Variants in ZNF565 observed in about 807,000 individuals in gnomAD.
ZNF565 encodes the protein zinc finger protein 565.
In ZNF565, 27 loss-of-function variants were observed where a neutral mutation model predicts 39.4. The observed-to-expected ratio is 0.69, with a 90% CI of 0.51 to 0.95. The LOEUF (loss-of-function observed/expected upper bound fraction) is 0.95, where lower values mean the gene tolerates loss of function less well. Ranked by LOEUF, ZNF565 falls within the 40% of genes least tolerant of loss-of-function variation. The pLI is 0.00. For missense variants in ZNF565, 524 were observed against 621.1 expected (o/e 0.84, Z 1.66); for synonymous variants, 185 against 216.6 (o/e 0.85, Z 1.28).
chr19:36,216,363 G>T (rs1224733691), upstream of ZNF565, among the ~76,000 whole-genome samples: 2 of 152,066 alleles, frequency 1.3e-5, no homozygotes, highest in Non-Finnish European at 2.9e-5. Flanking sequence ...GATCTTGGTC[G>T]GGTGCGGTGG....
intron 1 of ZNF565, among the ~76,000 whole-genome samples, chr19:36,232,077 C>T (rs957528426): frequency 6.6e-6 from 1 of 151,790 alleles, no homozygotes; most frequent in African/African-American, 2.4e-5. Context: ...GTGATGCACA[C>T]CTATCGTCCC....
chr19:36,183,713 T>C lies in ZNF565; in HGVS notation c.253A>G (p.Lys85Glu). Residue 85 changes from lysine to glutamate, a missense_variant, in exon 5 of 5, where the codon AAA becomes GAA. Physicochemically the swap from Lys to Glu is moderately conservative, Grantham distance 56 (BLOSUM62 1). Transcript: ENST00000304116. Reference sequence around the variant, plus strand: ...TCAAAAATGTCTTTTTGTAGAAATTTCTCACACCTGGACTCCAAGTCTGAA... The same window carrying C: ...TCAAAAATGTCTTTTTGTAGAAATTCCTCACACCTGGACTCCAAGTCTGAA... ...WCPDLESRCE[K>E]FLQKDIFEIG... is the part of the protein sequence containing the mutation. 1 of 1,612,210 alleles carries C rather than the reference T, an allele frequency of 6.2e-7. No homozygotes were observed. The highest frequency in any genetic ancestry group is 8.5e-7 in the Non-Finnish European group (1 of 1,178,770).
At chr19:36,235,917 G>A (rs1285194063) in intron 1 of ZNF565, 1 of 152,458 alleles carries the variant, frequency 6.6e-6, no homozygotes. Flanking sequence ...TTAGTTGGGA[G>A]CTTCTCTACC....
chr19:36,191,206 C>T (rs1388825454), intron 4 of ZNF565, among the ~76,000 whole-genome samples: 1 of 151,184 alleles, frequency 6.6e-6, no homozygotes, highest in Non-Finnish European at 1.5e-5. Flanking sequence ...TTTGCCGACC[C>T]CTGGTCTAGG....
At chr19:36,242,449 C>T (rs566809865) in intron 1 of ZNF565, among the ~76,000 whole-genome samples, 1 of 151,478 alleles carries the variant, frequency 6.6e-6, no homozygotes, top group South Asian at 2.1e-4. Flanking sequence ...GGGCAAATTT[C>T]TGGGCACGGT....
chr19:36,220,980 G>C (rs561730123), intron 1 of ZNF565, among the ~76,000 whole-genome samples: 6 of 151,874 alleles, frequency 4.0e-5, no homozygotes, highest in African/African-American at 1.4e-4. Flanking sequence ...AGCCTCCTGA[G>C]TAGCTGGGAT....
At position 36,214,359 on chromosome 19, in the gene ZNF565, A is replaced by G. The variant is rs534285939; in HGVS notation, c.-66+263T>C. On this transcript the variant is annotated intron_variant, in intron 1 of 4. Coordinates refer to ENST00000304116, the MANE Select transcript of ZNF565 (RefSeq NM_152477.5). ...CAGGAACAGGGCGAACAGGCCACATATACAACGGGGACACACGCAGTATCA... is the reference window on the plus strand; with the variant it reads ...CAGGAACAGGGCGAACAGGCCACATGTACAACGGGGACACACGCAGTATCA... Among the ~76,000 whole-genome samples the G allele has an allele frequency of 1.3e-4, 19 of 151,782 alleles. No homozygotes were observed. The East Asian group carries it at 2.1e-3, about 17-fold the overall frequency.
intron 1 of ZNF565, among the ~76,000 whole-genome samples, chr19:36,230,664 T>C (rs1977301170): frequency 6.6e-6 from 1 of 152,030 alleles, no homozygotes; most frequent in South Asian, 2.1e-4. Context: ...CAGAGAATAG[T>C]GATCAGGGCC....
intron 4 of ZNF565, among the ~76,000 whole-genome samples, chr19:36,189,711 CACCA>C (rs1239168094): frequency 6.6e-6 from 1 of 152,138 alleles, no homozygotes; most frequent in Non-Finnish European, 1.5e-5. Context: ...TTAGAAAACA[CACCA>C]ACCAAATATT....
At position 36,227,083 on chromosome 19, in the gene ZNF565, C is replaced by CA. The variant is rs758318352; in HGVS notation, c.55+18392dup. Among the ~76,000 whole-genome samples, 646 of 141,160 alleles carry CA rather than the reference C, an allele frequency of 4.6e-3. 3 individuals carry two copies. Among genetic ancestry groups the CA allele is most frequent in the African/African-American group, 6.6e-3 (253 of 38,292 alleles). 92.6% of individuals were successfully genotyped at this position (141,160 alleles called of 152,430 possible). A position where few individuals can be genotyped will look rare whatever the true frequency, so the allele number is the denominator to read the frequency against. ...GGGCAACAAGAGTAAAACTCCATCTCAAAAAAAAAAAAATTTTTTTTTTGG... is the reference window on the plus strand; with the variant it reads ...GGGCAACAAGAGTAAAACTCCATCTCAAAAAAAAAAAAAATTTTTTTTTTGG... On this transcript the variant is annotated intron_variant, in intron 1 of 4. Transcript: ENST00000355114.
chr19:36,231,476 T>TA (rs1312437460), intron 1 of ZNF565, among the ~76,000 whole-genome samples: 4 of 152,194 alleles, frequency 2.6e-5, no homozygotes, highest in Non-Finnish European at 4.4e-5. Context: ...CTCAAAGTGC[T>TA]AGGATTACAG....
rs573234711 is a variant in ZNF565 at position 36,241,310 on chromosome 19, C to T, written c.55+4166G>A. Among the ~76,000 whole-genome samples the T allele has an allele frequency of 2.7e-5, 4 of 150,710 alleles. 1 individual carries two copies. The South Asian group carries it at 8.4e-4, about 31-fold the overall frequency. ...ACCAGCCTGGCCAGCATGGCAAAAC[C>T]CCGCCTCTACTAAAAATACAAAAAT... On this transcript the variant is annotated intron_variant, in intron 1 of 4. Transcript: ENST00000355114.
intron 4 of ZNF565, among the ~76,000 whole-genome samples, chr19:36,192,682 A>T (rs892879916): frequency 1.3e-5 from 2 of 151,892 alleles, no homozygotes; most frequent in African/African-American, 4.8e-5. Context: ...CGGAGGTTTT[A>T]GTAGAGATGG....
chr19:36,191,911 G>A (rs1024170473), intron 4 of ZNF565, among the ~76,000 whole-genome samples: 5 of 152,008 alleles, frequency 3.3e-5, no homozygotes, highest in African/African-American at 4.8e-5. Flanking sequence ...AAAGTATTTC[G>A]CCATAAGATA....
chr19:36,200,946 C>A (rs1975941270), intron 2 of ZNF565, among the ~76,000 whole-genome samples: 3 of 152,016 alleles, frequency 2.0e-5, no homozygotes. Flanking sequence ...CACCACTGCA[C>A]CCAGCCATAT....
chr19:36,242,312 A>C (rs911657422), intron 1 of ZNF565, among the ~76,000 whole-genome samples: 2 of 152,040 alleles, frequency 1.3e-5, no homozygotes, highest in African/African-American at 4.8e-5. Context: ...TGGGAGGCTG[A>C]GACAAGAGAA....
At chr19:36,236,680 A>G in intron 1 of ZNF565, 1 of 1,614,220 alleles carries the variant, frequency 6.2e-7, no homozygotes, top group Non-Finnish European at 8.5e-7. Flanking sequence ...GTGGAAAATC[A>G]TTTAGCCAGA....
intron 4 of ZNF565, among the ~76,000 whole-genome samples, chr19:36,187,440 C>A (rs1028993337): frequency 2.0e-5 from 3 of 151,494 alleles, no homozygotes; most frequent in Admixed American, 1.3e-4. Context: ...CGGCTCATTG[C>A]AAGCTCTGCC....
chr19:36,218,575 C>T (rs1313582843), upstream of ZNF565, among the ~76,000 whole-genome samples: 1 of 151,530 alleles, frequency 6.6e-6, no homozygotes, highest in Non-Finnish European at 1.5e-5. Flanking sequence ...ATGCCATTCT[C>T]CCGCCTCAGC....
Sources: gnomAD v4.1 joint callset for allele counts (sites outside exome capture counted in the v4.1 genomes callset) on GRCh38, gnomAD v4.1.1 for gene constraint, MANE v1.5 for transcripts, NCBI Gene and HGNC (gene_info 2026-07-23, HGNC 2026-07-21) for gene names.